The following CCDC88A variants were observed in gnomAD, a reference collection of about 807,000 sequenced individuals.
The protein encoded by CCDC88A is girdin.
A neutral mutation model predicts 234.3 loss-of-function variants in CCDC88A; 54 were observed. That is an observed-to-expected ratio of 0.23 (90% CI 0.19 to 0.29). The LOEUF (loss-of-function observed/expected upper bound fraction) is 0.29. CCDC88A is among the 10% of genes least tolerant of loss of function. The probability of loss-of-function intolerance (pLI) is 1.00; values close to 1 mark genes in which losing one functional copy is unlikely to be tolerated. For missense variants in CCDC88A, 1,832 were observed against 2,123.4 expected (o/e 0.86, Z 2.70); for synonymous variants, 753 against 737.8 (o/e 1.02, Z -0.33).
Position 55,419,518 on chromosome 2 carries a change from GCGCCACC to G in CCDC88A, c.-446_-440del. 1.3e-5 allele frequency: 2 copies of G among 159,866 alleles called. No homozygotes were observed. The highest frequency in any genetic ancestry group is 1.4e-5 in the Non-Finnish European group (1 of 72,852). The allele number at this position is 159,866 out of a possible 1,614,324, so 9.9% of individuals were successfully genotyped here. A position where few individuals can be genotyped will look rare whatever the true frequency, so the allele number is the denominator to read the frequency against. ...CAGAGACCACGTTAAGGATACCGAG[GCGCCACC>G]AGACTCGACCTCGGCGTTCCGACCT... On this transcript the variant is annotated 5_prime_UTR_variant, in exon 1 of 33. Coordinates refer to ENST00000436346, the MANE Select transcript of CCDC88A (RefSeq NM_001365480.1).
intron 3 of CCDC88A, among the ~76,000 whole-genome samples, chr2:55,378,343 G>C (rs1441881147): frequency 6.6e-6 from 1 of 152,194 alleles, no homozygotes; most frequent in East Asian, 1.9e-4. Flanking sequence ...ATGTTTGGAT[G>C]ATGCAAATTG....
intron 21 of CCDC88A, among the ~76,000 whole-genome samples, chr2:55,316,475 G>C (rs1683202685): frequency 6.6e-6 from 1 of 152,088 alleles, no homozygotes; most frequent in Admixed American, 6.6e-5. Flanking sequence ...CAGCATTTTG[G>C]GAGGTAGAAG....
chr2:55,295,935 T>C lies in CCDC88A; in HGVS notation c.5213A>G (p.Lys1738Arg). ...TCTATCATAGAAGTCCCCTGGGGTTTTTCCACTTACTGACCTGGCCAGACC... is the reference window on the plus strand; with the variant it reads ...TCTATCATAGAAGTCCCCTGGGGTTCTTCCACTTACTGACCTGGCCAGACC... ...SCGLARSVSGKTPGDFYDRRT... is the reference protein window; with the variant it reads ...SCGLARSVSGRTPGDFYDRRT... The change falls in exon 31 of 33, where the codon AAA (lysine) becomes AGA (arginine). Residue 1738 changes from lysine to arginine, a missense_variant. Around this residue, in one of 6 missense-constraint regions of CCDC88A, gnomAD observed 422 missense variants for 416.5 expected, o/e 1.01. Transcript: ENST00000436346. The C allele has an allele frequency of 6.2e-7, 1 of 1,614,148 alleles. No individual in the cohort carries two copies. The highest frequency in any genetic ancestry group is 8.5e-7 in the Non-Finnish European group (1 of 1,180,034).
At chr2:55,336,992 G>C in intron 13 of CCDC88A, 174 bp from the exon 14 acceptor site, 1 of 452,638 alleles carries the variant, frequency 2.2e-6, no homozygotes. Context: ...TTCTGTAGCT[G>C]TATAAAATAT....
At chr2:55,300,160 T>C in intron 28 of CCDC88A, 2 of 437,120 alleles carry the variant, frequency 4.6e-6, no homozygotes, top group South Asian at 4.8e-5. Flanking sequence ...GATTTGAAAA[T>C]GAGTTCTAGA....
At chr2:55,392,539 T>C (rs1194619005) in intron 2 of CCDC88A, among the ~76,000 whole-genome samples, 1 of 152,234 alleles carries the variant, frequency 6.6e-6, no homozygotes, top group Non-Finnish European at 1.5e-5. Context: ...GGCCTTTTAT[T>C]AGATTTATTC....
chr2:55,358,990 A>G (rs1001561770), intron 7 of CCDC88A, among the ~76,000 whole-genome samples: 4 of 152,136 alleles, frequency 2.6e-5, no homozygotes, highest in Non-Finnish European at 5.9e-5. Context: ...ATTATCTTTA[A>G]TCTTGCTTTC....
chr2:55,300,141 G>T, intron 28 of CCDC88A: 1 of 469,372 alleles, frequency 2.1e-6, no homozygotes, highest in South Asian at 2.4e-5. Context: ...AGGATAAAGT[G>T]CATATTTAGA....
chr2:55,365,389 T>C (rs371463841), intron 5 of CCDC88A, among the ~76,000 whole-genome samples: 2 of 152,058 alleles, frequency 1.3e-5, no homozygotes, highest in East Asian at 3.9e-4. Flanking sequence ...ACCAAAATTG[T>C]TGACCTACAC....
chr2:55,334,033 A>G lies in CCDC88A; in HGVS notation c.2727+61T>C. On this transcript the variant is annotated intron_variant, in intron 15 of 32. Transcript: ENST00000436346. This position sits in a 1 kb window ranked among gnomAD's most constrained non-coding sequence, Gnocchi z 6.1. ...TACTGATAGATTCCAATAAAACTTA[A>G]AGAAACCTTGAGTTAAAAATATAAA... 1.8e-6 allele frequency: 1 copy of G among 560,584 alleles called. No homozygotes were observed. The highest frequency in any genetic ancestry group is 2.8e-6 in the Non-Finnish European group (1 of 355,982). 34.7% of individuals were successfully genotyped at this position (560,584 alleles called of 1,614,324 possible).
chr2:55,361,763 T>C (rs1188490598), intron 7 of CCDC88A: 1 of 152,324 alleles, frequency 6.6e-6, no homozygotes, highest in Non-Finnish European at 1.5e-5. Context: ...ATAGAAAACT[T>C]GGTACACTGT....
intron 3 of CCDC88A, among the ~76,000 whole-genome samples, chr2:55,382,089 A>C (rs1246226691): frequency 6.6e-6 from 1 of 152,214 alleles, no homozygotes; most frequent in East Asian, 1.9e-4. Flanking sequence ...ATACCTGACC[A>C]GTGTCAAAAA....
chr2:55,341,689 C>G (rs193170232), intron 12 of CCDC88A, among the ~76,000 whole-genome samples: 1 of 152,060 alleles, frequency 6.6e-6, no homozygotes, highest in Non-Finnish European at 1.5e-5. Context: ...GTGATCCACC[C>G]GCCTCGGCCT....
intron 2 of CCDC88A, among the ~76,000 whole-genome samples, chr2:55,401,447 A>AAAAAAAAAAAAAAT (rs1334606165): frequency 1.5e-4 from 4 of 27,148 alleles, no homozygotes; most frequent in Admixed American, 8.8e-4. Flanking sequence ...AAAAAAAAAA[A>AAAAAAAAAAAAAAT]ATATATATAT....
In CCDC88A at chr2:55,312,505, T is replaced by C; in HGVS notation, c.4008A>G (p.Leu1336=). Residue 1336 remains leucine (L), a synonymous_variant, in exon 23 of 33, where the codon CTA becomes CTG. Coordinates refer to ENST00000436346, the MANE Select transcript of CCDC88A (RefSeq NM_001365480.1). Reference sequence around the variant, plus strand: ...TCTGCTCCAAAAGTGTTCTGTTCTGTAGCATTAATGTCTGAATTTGATCTA... The same window carrying C: ...TCTGCTCCAAAAGTGTTCTGTTCTGCAGCATTAATGTCTGAATTTGATCTA... ...HLLDQIQTLM[L]QNRTLLEQNM... The C allele has an allele frequency of 1.2e-6, 2 of 1,612,022 alleles. No homozygotes were observed. The highest frequency in any genetic ancestry group is 1.1e-5 in the South Asian group (1 of 90,962).
In CCDC88A at chr2:55,315,915, T is replaced by A; in HGVS notation, c.3933+13A>T. 6.8e-7 allele frequency: 1 copy of A among 1,462,916 alleles called. No individual in the cohort carries two copies. Among genetic ancestry groups the A allele is most frequent in the Non-Finnish European group, 9.1e-7 (1 of 1,099,588 alleles). 90.6% of individuals were successfully genotyped at this position (1,462,916 alleles called of 1,614,324 possible). A position where few individuals can be genotyped will look rare whatever the true frequency, so the allele number is the denominator to read the frequency against. The stretch of plus-strand genomic sequence containing the variant: ...TAAATGAAGGACACAGTGATTAAAC[T>A]TTTTAAGCTCACCTCACACTGGTTA... On this transcript the variant is annotated intron_variant, in intron 22 of 32. Transcript: ENST00000436346.
chr2:55,414,901 T>G (rs1014439385), intron 2 of CCDC88A, among the ~76,000 whole-genome samples: 2 of 151,136 alleles, frequency 1.3e-5, no homozygotes, highest in Admixed American at 1.3e-4. Flanking sequence ...CCGTCTCTAC[T>G]AAAAAAATAC....
intron 2 of CCDC88A, among the ~76,000 whole-genome samples, chr2:55,400,922 CTA>C (rs1678507371): frequency 6.6e-6 from 1 of 152,116 alleles, no homozygotes; most frequent in Non-Finnish European, 1.5e-5. Flanking sequence ...TTGCATGTCA[CTA>C]TGATACATCT....
intron 7 of CCDC88A, among the ~76,000 whole-genome samples, chr2:55,359,803 G>T (rs913972946): frequency 2.0e-5 from 3 of 151,620 alleles, no homozygotes; most frequent in Non-Finnish European, 4.4e-5. Flanking sequence ...CAAAAACCAG[G>T]TGTTTCTTAA....
Sources: allele counts gnomAD v4.1 joint callset (sites outside exome capture counted in the v4.1 genomes callset), GRCh38; gene constraint gnomAD v4.1.1; regional missense constraint gnomAD v4.1.1; non-coding constraint Gnocchi (gnomAD v3.1); transcripts MANE v1.5; gene names NCBI Gene and HGNC (gene_info 2026-07-23, HGNC 2026-07-21).